The following NTRK2 variants were observed in gnomAD, a reference collection of about 807,000 sequenced individuals.
NTRK2 encodes neurotrophic receptor tyrosine kinase 2.
A neutral mutation model predicts 94.5 loss-of-function variants in NTRK2; 13 were observed. That is an observed-to-expected ratio of 0.14 (90% CI 0.09 to 0.22). The LOEUF is 0.22. Among genes scored for constraint, NTRK2 ranks in the 10% least tolerant of loss-of-function variants. The probability of loss-of-function intolerance (pLI) is 1.00; values close to 1 mark genes in which losing one functional copy is unlikely to be tolerated. For synonymous variants in NTRK2, 372 were observed against 407.4 expected, an observed-to-expected ratio of 0.91 and a Z score of 1.05; for missense variants, 639 against 1,071.2, an observed-to-expected ratio of 0.60 and a Z score of 5.63.
intron 14 of NTRK2, among the ~76,000 whole-genome samples, chr9:84,931,725 A>C (rs1424037743): frequency 1.3e-5 from 2 of 151,646 alleles, no homozygotes; most frequent in East Asian, 3.9e-4. Context: ...GCAAAAAAAA[A>C]AAAAACAAAA....
rs182153784 is a variant in NTRK2, at chr9:84,771,775, G to A, written c.1396+19690G>A. Reference sequence around the variant, plus strand: ...CCCTTTTTAGTAAATTTGTGTGATCGTGTGTAATCATCTAGAAAAAAAATG... The same window carrying A: ...CCCTTTTTAGTAAATTTGTGTGATCATGTGTAATCATCTAGAAAAAAAATG... On this transcript the variant is annotated intron_variant, in intron 12 of 18. Coordinates refer to ENST00000277120, the MANE Select transcript of NTRK2 (RefSeq NM_006180.6). Among the ~76,000 whole-genome samples the A allele has an allele frequency of 5.9e-5, 9 of 152,174 alleles. No individual in the cohort carries two copies. In the South Asian group the frequency reaches 6.2e-4, roughly 11 times the overall value.
intron 17 of NTRK2, among the ~76,000 whole-genome samples, chr9:84,965,533 T>G (rs894178772): frequency 6.6e-6 from 1 of 152,124 alleles, no homozygotes; most frequent in African/African-American, 2.4e-5. Flanking sequence ...AAATAGCAGG[T>G]AGAAATGTTG....
upstream of NTRK2, chr9:84,669,371 G>A (rs2058554400): frequency 6.5e-6 from 1 of 152,764 alleles, no homozygotes; most frequent in East Asian, 1.9e-4. The surrounding 1 kb of genome is among the most constrained non-coding windows in gnomAD (Gnocchi z 4.1). Flanking sequence ...AAGAGACTGT[G>A]GTGTGAATTA....
chr9:84,770,153 A>AACACACACACACACACACACACACACAC (rs35363257), intron 12 of NTRK2, among the ~76,000 whole-genome samples: 1 of 136,956 alleles, frequency 7.3e-6, no homozygotes, highest in African/African-American at 2.8e-5. Context: ...TGTGCATGAG[A>AACACACACACACACACACACACACACAC]ACACACACAC....
At chr9:84,889,330 C>G (rs1473940456) in intron 14 of NTRK2, among the ~76,000 whole-genome samples, 1 of 152,060 alleles carries the variant, frequency 6.6e-6, no homozygotes, top group African/African-American at 2.4e-5. Flanking sequence ...TTTAAAAACG[C>G]TTTTAAAAAA....
intron 12 of NTRK2, among the ~76,000 whole-genome samples, chr9:84,830,538 C>T (rs112749248): frequency 4.6e-4 from 67 of 146,024 alleles, no homozygotes; most frequent in Non-Finnish European, 7.9e-4. Context: ...AGCATGCATG[C>T]GTGTGTGTGT....
chr9:84,980,465 A>G (rs1348398235), intron 17 of NTRK2, among the ~76,000 whole-genome samples: 4 of 152,244 alleles, frequency 2.6e-5, no homozygotes, highest in African/African-American at 9.6e-5. Flanking sequence ...CTCTTAAAAT[A>G]GTTGCACAGC....
intron 14 of NTRK2, among the ~76,000 whole-genome samples, chr9:84,889,601 C>T (rs372737317): frequency 5.3e-5 from 8 of 152,132 alleles, no homozygotes; most frequent in African/African-American, 1.4e-4. Context: ...TTAGTAGAGA[C>T]GAGGTTTCAC....
intron 12 of NTRK2, among the ~76,000 whole-genome samples, chr9:84,789,250 A>G (rs2133173351): frequency 6.6e-6 from 1 of 152,284 alleles, no homozygotes; most frequent in South Asian, 2.1e-4. Flanking sequence ...GGAAGAGATG[A>G]TAACACCACA....
chr9:84,786,811 A>C lies in NTRK2; in HGVS notation c.1396+34726A>C, dbSNP rs1026175679. Among the ~76,000 whole-genome samples the C allele has an allele frequency of 1.2e-4, 19 of 152,186 alleles. 1 individual carries two copies. The highest frequency in any genetic ancestry group is 4.3e-4 in the African/African-American group (18 of 41,448). On this transcript the variant is annotated intron_variant, in intron 12 of 18. Transcript: ENST00000277120. ...AGAAACTGTGGACATGTAAGAGTGA[A>C]GGTGGCAGCTCTACTACAAAGAATT... is the stretch of plus-strand genomic sequence containing the variant.
chr9:84,986,862 A>C (rs1828381782), intron 17 of NTRK2, among the ~76,000 whole-genome samples: 1 of 152,210 alleles, frequency 6.6e-6, no homozygotes, highest in African/African-American at 2.4e-5. Flanking sequence ...TTATAATTTA[A>C]CTGTTCCACT....
intron 14 of NTRK2, among the ~76,000 whole-genome samples, chr9:84,878,062 C>T (rs904578751): frequency 2.6e-5 from 4 of 152,116 alleles, no homozygotes; most frequent in Non-Finnish European, 4.4e-5. Context: ...TGGGTTTTCT[C>T]GAAGCAACTC....
chr9:84,945,433 G>A (rs990257394), intron 15 of NTRK2, among the ~76,000 whole-genome samples: 3 of 152,190 alleles, frequency 2.0e-5, no homozygotes, highest in African/African-American at 4.8e-5. Context: ...AGGCACTGGT[G>A]TGTGTGGTTT....
At chr9:84,720,979 C>T (rs960748131) in intron 6 of NTRK2, among the ~76,000 whole-genome samples, 8 of 152,150 alleles carry the variant, frequency 5.3e-5, no homozygotes, top group African/African-American at 1.7e-4. Context: ...AAGGTCCAAC[C>T]TCCAAACAAT....
chr9:84,894,444 C>A (rs1587851473), intron 14 of NTRK2, among the ~76,000 whole-genome samples: 2 of 152,168 alleles, frequency 1.3e-5, no homozygotes, highest in African/African-American at 2.4e-5. Flanking sequence ...GCTATCCCAA[C>A]TTTTTGTTCT....
chr9:84,693,422 A>G (rs1380741192), intron 2 of NTRK2, among the ~76,000 whole-genome samples: 1 of 152,232 alleles, frequency 6.6e-6, no homozygotes, highest in East Asian at 1.9e-4. Context: ...ATTGGTGGGA[A>G]CAGATAAGAA....
rs530078458 is a variant in NTRK2, at chr9:84,994,096, C to G, written c.2173-26110C>G. On this transcript the variant is annotated intron_variant, in intron 17 of 18. Transcript: ENST00000277120. ...TAGCCACTAAAGGGTTACTTCCAAG[C>G]GCAACATGGAGACTTTCACCCACCA... Among the ~76,000 whole-genome samples, 225 of 152,238 alleles carry G rather than the reference C, an allele frequency of 1.5e-3. 1 individual carries two copies. The highest frequency in any genetic ancestry group is 5.1e-3 in the African/African-American group (212 of 41,552).
chr9:84,968,605 C>T (rs986060132), intron 17 of NTRK2, among the ~76,000 whole-genome samples: 1 of 152,168 alleles, frequency 6.6e-6, no homozygotes, highest in African/African-American at 2.4e-5. Flanking sequence ...GGCAGGCAGA[C>T]AGCAGACTTG....
At chr9:84,718,107 C>T (rs1379752820) in intron 6 of NTRK2, among the ~76,000 whole-genome samples, 3 of 151,054 alleles carry the variant, frequency 2.0e-5, no homozygotes, top group African/African-American at 7.3e-5. Flanking sequence ...TTTTTTCCCT[C>T]TAGAATCTCA....
Sources: gnomAD v4.1 joint callset for allele counts (sites outside exome capture counted in the v4.1 genomes callset) on GRCh38, gnomAD v4.1.1 for gene constraint, Gnocchi (gnomAD v3.1) non-coding constraint, MANE v1.5 for transcripts, NCBI Gene and HGNC (gene_info 2026-07-23, HGNC 2026-07-21) for gene names.